Variants in PRUNE2 observed in about 807,000 individuals in gnomAD.
PRUNE2 encodes the protein protein prune homolog 2.
PRUNE2 carries 164 observed loss-of-function variants against 252.0 expected under a neutral mutation model. The ratio of observed to expected loss-of-function variants is 0.65; its 90% CI spans 0.57 to 0.74. PRUNE2 has a LOEUF of 0.74. Among genes scored for constraint, PRUNE2 ranks in the 30% least tolerant of loss-of-function variants. PRUNE2 has a pLI of 0.00. For synonymous variants in PRUNE2, 1,292 were observed against 1,350.2 expected (o/e 0.96, Z 0.94); for missense variants, 3,495 against 3,711.0 (o/e 0.94, Z 1.51).
chr9:76,883,589 A>G (rs148180441), intron 1 of PRUNE2, among the ~76,000 whole-genome samples: 1 of 152,336 alleles, frequency 6.6e-6, no homozygotes, highest in East Asian at 1.9e-4. Flanking sequence ...AGTTCAAACA[A>G]TGGTACCACA....
intron 12 of PRUNE2, among the ~76,000 whole-genome samples, chr9:76,640,220 C>T (rs1841982878): frequency 1.3e-5 from 2 of 152,052 alleles, no homozygotes; most frequent in African/African-American, 4.8e-5. Flanking sequence ...CTCTAAATAC[C>T]CACTGGTGAT....
At chr9:76,630,558 T>C (rs1300617094) in intron 15 of PRUNE2, among the ~76,000 whole-genome samples, 1 of 152,224 alleles carries the variant, frequency 6.6e-6, no homozygotes, top group Non-Finnish European at 1.5e-5. Context: ...AGAGTCTCGC[T>C]CTGTCGCCCA....
At chr9:76,850,733 C>T in intron 2 of PRUNE2, 68 bp from the exon 3 acceptor site, 1 of 1,205,336 alleles carries the variant, frequency 8.3e-7, no homozygotes, top group Non-Finnish European at 1.2e-6. Flanking sequence ...ACATTTTCTC[C>T]AGCCTGGGGG....
chr9:76,783,131 CTTTT>C (rs1020515586), intron 6 of PRUNE2, among the ~76,000 whole-genome samples: 139 of 152,100 alleles, frequency 9.1e-4, no homozygotes, highest in African/African-American at 3.3e-3. Flanking sequence ...CTGACTATGC[CTTTT>C]TTTGTTTGTT....
At chr9:76,837,838 C>T (rs1188126573) in intron 4 of PRUNE2, among the ~76,000 whole-genome samples, 28 of 148,920 alleles carry the variant, frequency 1.9e-4, no homozygotes, top group Non-Finnish European at 3.4e-4. Context: ...GTGGCGCAAT[C>T]TCGGCTCACT....
chr9:76,643,969 A>ACAGTGGCAC (rs537776165), intron 12 of PRUNE2, among the ~76,000 whole-genome samples: 9 of 152,294 alleles, frequency 5.9e-5, no homozygotes, highest in African/African-American at 1.9e-4. Context: ...CTGGGTGGTT[A>ACAGTGGCAC]CAGTGGCACC....
intron 1 of PRUNE2, among the ~76,000 whole-genome samples, chr9:76,872,008 G>A (rs576633872): frequency 6.6e-6 from 1 of 152,232 alleles, no homozygotes. Flanking sequence ...TTATACAGGT[G>A]ACCACAAACA....
At chr9:76,684,489 T>C (rs2043853213) in intron 9 of PRUNE2, among the ~76,000 whole-genome samples, 1 of 152,174 alleles carries the variant, frequency 6.6e-6, no homozygotes. Flanking sequence ...TTCCCAATGG[T>C]TGGGGTCTAA....
chr9:76,684,478 T>C (rs1192736905), intron 9 of PRUNE2, among the ~76,000 whole-genome samples: 2 of 152,162 alleles, frequency 1.3e-5, no homozygotes, highest in Non-Finnish European at 2.9e-5. Context: ...TTTCCTCCAC[T>C]TTCCCAATGG....
intron 12 of PRUNE2, among the ~76,000 whole-genome samples, chr9:76,643,368 C>CA (rs1212482100): frequency 6.6e-6 from 1 of 152,196 alleles, no homozygotes; most frequent in African/African-American, 2.4e-5. Context: ...CTCTTACAGG[C>CA]AGCCTTTGTT....
At chr9:76,865,866 T>A (rs2060813401) in intron 1 of PRUNE2, among the ~76,000 whole-genome samples, 1 of 150,194 alleles carries the variant, frequency 6.7e-6, no homozygotes, top group East Asian at 2.0e-4. Context: ...TTATGACATG[T>A]GCATTATGCC....
chr9:76,788,442 C>G, intron 6 of PRUNE2: 1 of 752,790 alleles, frequency 1.3e-6, no homozygotes, highest in Non-Finnish European at 2.5e-6. Context: ...GCACAGTGGT[C>G]CCAGGCATGC....
intron 1 of PRUNE2, among the ~76,000 whole-genome samples, chr9:76,866,609 C>G (rs1018436525): frequency 6.6e-6 from 1 of 152,014 alleles, no homozygotes; most frequent in Non-Finnish European, 1.5e-5. Context: ...ATTTTTGAAG[C>G]TGGGAGATGG....
At position 76,711,085 on chromosome 9, in the gene PRUNE2, G is replaced by C; in HGVS notation, c.1189C>G (p.Pro397Ala). 6.2e-7 allele frequency: 1 copy of C among 1,614,002 alleles called. No individual in the cohort carries two copies. The highest frequency in any genetic ancestry group is 8.5e-7 in the Non-Finnish European group (1 of 1,179,882). Residue 397 changes from proline (P) to alanine (A), a missense_variant, in exon 8 of 19, where the codon CCC becomes GCC. Physicochemically the swap from Pro to Ala is conservative, Grantham distance 27. Transcript: ENST00000376718. ...ELYGSDIEPQ[P>A]SSVNFIENPP... Reference sequence around the variant, plus strand: ...TTCTCTATGAAATTCACAGAGCTGGGTTGTGGCTCTATGTCAGAACCATAC... The same window carrying C: ...TTCTCTATGAAATTCACAGAGCTGGCTTGTGGCTCTATGTCAGAACCATAC...
intron 9 of PRUNE2, among the ~76,000 whole-genome samples, chr9:76,663,899 C>A (rs2039627784): frequency 6.6e-6 from 1 of 152,142 alleles, no homozygotes; most frequent in Non-Finnish European, 1.5e-5. Flanking sequence ...TGGAGAGGGG[C>A]ATATACTTAT....
intron 9 of PRUNE2, among the ~76,000 whole-genome samples, chr9:76,659,562 T>C (rs1397549299): frequency 6.6e-6 from 1 of 152,202 alleles, no homozygotes; most frequent in East Asian, 1.9e-4. Flanking sequence ...TTTGTATCAC[T>C]AGTGTACAGG....
At chr9:76,739,106 G>A (rs936708690) in intron 6 of PRUNE2, 1 of 152,088 alleles carries the variant, frequency 6.6e-6, no homozygotes, top group Non-Finnish European at 1.5e-5. Flanking sequence ...CATTACGCAT[G>A]GATTACCTCG....
intron 9 of PRUNE2, among the ~76,000 whole-genome samples, chr9:76,660,977 T>G (rs1263782303): frequency 1.3e-5 from 2 of 151,554 alleles, no homozygotes; most frequent in Non-Finnish European, 2.9e-5. Flanking sequence ...GGAGATGCAA[T>G]AAATAGAAAA....
chr9:76,673,257 C>T (rs1183916435), intron 9 of PRUNE2, among the ~76,000 whole-genome samples: 7 of 150,036 alleles, frequency 4.7e-5, no homozygotes, highest in Non-Finnish European at 1.0e-4. Flanking sequence ...AAACTACCAT[C>T]AGGGAATACT....
Sources: allele counts gnomAD v4.1 joint callset (sites outside exome capture counted in the v4.1 genomes callset), GRCh38; gene constraint gnomAD v4.1.1; transcripts MANE v1.5; gene names NCBI Gene and HGNC (gene_info 2026-07-23, HGNC 2026-07-21).